The following GPHN variants were observed in gnomAD, a reference collection of about 807,000 sequenced individuals.
The protein encoded by GPHN is gephyrin.
In GPHN, 17 loss-of-function variants were observed where a neutral mutation model predicts 95.5. The ratio of observed to expected loss-of-function variants is 0.18; its 90% CI spans 0.12 to 0.27. The LOEUF (loss-of-function observed/expected upper bound fraction) is 0.27. Ranked by LOEUF, GPHN falls within the 10% of genes least tolerant of loss-of-function variation. GPHN has a pLI of 1.00. For missense variants in GPHN, 660 were observed against 978.1 expected (o/e 0.67, Z 4.34); for synonymous variants, 320 against 322.5 (o/e 0.99, Z 0.08).
chr14:66,533,196 T>C (rs2059012157), intron 1 of GPHN, among the ~76,000 whole-genome samples: 1 of 152,266 alleles, frequency 6.6e-6, no homozygotes, highest in African/African-American at 2.4e-5. Context: ...TCTACTGGTG[T>C]GTAAGCAAAA....
chr14:67,193,792 A>G, the GPHN span, among the ~76,000 whole-genome samples: 2 of 149,536 alleles, frequency 1.3e-5, no homozygotes, highest in African/African-American at 4.9e-5. Context: ...AAAAAAAAAA[A>G]AAATTAGCTG....
At chr14:66,745,076 A>G (rs1595761624) in intron 2 of GPHN, among the ~76,000 whole-genome samples, 3 of 152,136 alleles carry the variant, frequency 2.0e-5, no homozygotes, top group East Asian at 3.8e-4. Flanking sequence ...AATATAGGTT[A>G]TGAATACTAC....
the GPHN span, among the ~76,000 whole-genome samples, chr14:67,413,645 C>A: frequency 1.3e-5 from 2 of 152,196 alleles, no homozygotes; most frequent in Non-Finnish European, 2.9e-5. Flanking sequence ...ATCCCCCCAA[C>A]CCCACTCCCA....
At chr14:67,255,783 G>A in the GPHN span, among the ~76,000 whole-genome samples, 3 of 152,160 alleles carry the variant, frequency 2.0e-5, no homozygotes, top group African/African-American at 7.2e-5. Context: ...ACCCACCGGG[G>A]TTCAAACAAT....
chr14:67,690,484 G>T, the GPHN span: 1 of 1,405,418 alleles, frequency 7.1e-7, no homozygotes, highest in Non-Finnish European at 1.0e-6. Context: ...GAGTCGTGGT[G>T]AGCAGGCCTC....
At chr14:67,523,195 A>C in the GPHN span, among the ~76,000 whole-genome samples, 1 of 152,012 alleles carries the variant, frequency 6.6e-6, no homozygotes, top group South Asian at 2.1e-4. Flanking sequence ...TGGTGGCAGA[A>C]GCCTGTAATC....
rs140372092 is a variant in GPHN at position 66,787,241 on chromosome 14, C to A, written c.201+10720C>A. Among the ~76,000 whole-genome samples, 189 of 152,156 alleles carry A rather than the reference C, an allele frequency of 1.2e-3. 1 individual carries two copies. The highest frequency in any genetic ancestry group is 2.1e-3 in the Non-Finnish European group (143 of 67,964). On this transcript the variant is annotated intron_variant, in intron 3 of 22. Coordinates refer to ENST00000478722, the MANE Select transcript of GPHN (RefSeq NM_020806.5). ...TTTGGAAACTGAAATTTAAATAACA[C>A]CATTTACAATTGTTCAAAAGAAAAT... is the stretch of plus-strand genomic sequence containing the variant.
chr14:66,763,764 C>T (rs1419227359), intron 2 of GPHN, among the ~76,000 whole-genome samples: 2 of 152,060 alleles, frequency 1.3e-5, no homozygotes, highest in African/African-American at 4.8e-5. Context: ...TGGTTGGGAA[C>T]CAGGTCACAC....
intron 1 of GPHN, among the ~76,000 whole-genome samples, chr14:66,545,683 C>G (rs2059551086): frequency 7.5e-6 from 1 of 133,852 alleles, no homozygotes; most frequent in African/African-American, 3.0e-5. Context: ...GTAGGGGCGG[C>G]CGGGCAGAGG....
At chr14:66,680,492 A>G (rs966110671) in intron 1 of GPHN, among the ~76,000 whole-genome samples, 2 of 152,106 alleles carry the variant, frequency 1.3e-5, no homozygotes, top group African/African-American at 4.8e-5. Context: ...TTTCAGGGAG[A>G]AAACTGTCTG....
At chr14:67,288,952 T>A in the GPHN span, among the ~76,000 whole-genome samples, 13 of 144,300 alleles carry the variant, frequency 9.0e-5, no homozygotes, top group Non-Finnish European at 1.8e-4. Context: ...AAAGTTTTAT[T>A]TTCTTTATTT....
At chr14:66,749,721 C>A (rs2058297110) in intron 2 of GPHN, among the ~76,000 whole-genome samples, 1 of 151,638 alleles carries the variant, frequency 6.6e-6, no homozygotes, top group African/African-American at 2.4e-5. Flanking sequence ...GTTTTAAAAT[C>A]TCTTTGTATA....
intron 10 of GPHN, among the ~76,000 whole-genome samples, chr14:67,044,346 A>AG (rs1555471995): frequency 6.6e-6 from 1 of 152,154 alleles, no homozygotes; most frequent in Non-Finnish European, 1.5e-5. Context: ...TCAAAAAAAA[A>AG]CAAAAAATAA....
intron 1 of GPHN, among the ~76,000 whole-genome samples, chr14:66,662,241 G>A (rs2065704053): frequency 1.3e-5 from 2 of 152,224 alleles, no homozygotes; most frequent in Non-Finnish European, 1.5e-5. Flanking sequence ...AGTGTCTCCA[G>A]CCACCACCTA....
At chr14:66,751,264 C>G (rs765404419) in intron 2 of GPHN, among the ~76,000 whole-genome samples, 8 of 151,988 alleles carry the variant, frequency 5.3e-5, no homozygotes, top group Non-Finnish European at 7.4e-5. Flanking sequence ...TTTGTGGAAT[C>G]ACCACACTGT....
intron 3 of GPHN, among the ~76,000 whole-genome samples, chr14:66,776,816 T>C (rs2059398259): frequency 6.6e-6 from 1 of 152,132 alleles, no homozygotes; most frequent in Admixed American, 6.5e-5. Flanking sequence ...GTGTGCATAG[T>C]GGATTATCTT....
chr14:66,887,079 T>C (rs2064234452), intron 5 of GPHN, among the ~76,000 whole-genome samples: 1 of 152,230 alleles, frequency 6.6e-6, no homozygotes, highest in South Asian at 2.1e-4. Flanking sequence ...AAGGGAACTA[T>C]TGTGAAATAC....
chr14:67,541,588 C>CGTAAG, the GPHN span, among the ~76,000 whole-genome samples: 1 of 152,174 alleles, frequency 6.6e-6, no homozygotes, highest in Admixed American at 6.5e-5. Context: ...ACTAGGTTCT[C>CGTAAG]CTTAAGGTTT....
At chr14:67,079,424 ATCT>A (rs1336257869) in intron 11 of GPHN, among the ~76,000 whole-genome samples, 1 of 152,064 alleles carries the variant, frequency 6.6e-6, no homozygotes, top group Non-Finnish European at 1.5e-5. Context: ...CTATCCCCTC[ATCT>A]TCACATCTAG....
Sources: gnomAD v4.1 joint callset for allele counts (sites outside exome capture counted in the v4.1 genomes callset) on GRCh38, gnomAD v4.1.1 for gene constraint, MANE v1.5 for transcripts, NCBI Gene and HGNC (gene_info 2026-07-23, HGNC 2026-07-21) for gene names.